The following CDH23 variants were observed in gnomAD, a reference collection of about 807,000 sequenced individuals.
CDH23 encodes cadherin related 23.
CDH23 carries 189 observed loss-of-function variants against 317.1 expected under a neutral mutation model. The ratio of observed to expected loss-of-function variants is 0.60; its 90% CI spans 0.53 to 0.67. CDH23 has a LOEUF of 0.67. CDH23 is among the 30% of genes least tolerant of loss of function. CDH23 has a pLI of 0.00. For synonymous variants in CDH23, 1,839 were observed against 1,876.8 expected (o/e 0.98, Z 0.52); for missense variants, 4,401 against 4,592.4 (o/e 0.96, Z 1.20).
chr10:71,759,506 CAA>C (rs1188557451), intron 38 of CDH23, among the ~76,000 whole-genome samples: 2 of 133,714 alleles, frequency 1.5e-5, no homozygotes, highest in Non-Finnish European at 3.2e-5. Context: ...GAGTCTTTCT[CAA>C]AAAAAAAAAA....
chr10:71,725,232 T>C, intron 29 of CDH23, 140 bp from the exon 30 acceptor site: 2 of 1,473,776 alleles, frequency 1.4e-6, no homozygotes, highest in East Asian at 2.3e-5. Flanking sequence ...CTCTCCACTG[T>C]GAATTCTGTG....
chr10:71,798,113 G>A (rs1841453538), intron 49 of CDH23, among the ~76,000 whole-genome samples: 1 of 152,092 alleles, frequency 6.6e-6, no homozygotes, highest in African/African-American at 2.4e-5. Context: ...GGAAACCGGG[G>A]CACAGGAAGG....
intron 1 of CDH23, among the ~76,000 whole-genome samples, chr10:71,432,123 C>A (rs563674438): frequency 1.3e-5 from 2 of 152,208 alleles, no homozygotes; most frequent in East Asian, 3.9e-4. Context: ...GAAGGAGGGG[C>A]CCTCCAGGGT....
intron 6 of CDH23, among the ~76,000 whole-genome samples, chr10:71,518,120 C>T (rs75511055): frequency 0.033 from 5,042 of 152,156 alleles, 139 homozygotes; most frequent in South Asian, 0.14. Flanking sequence ...TCTGTATCTC[C>T]TAGTGTTTTC....
At position 71,779,414 on chromosome 10, in the gene CDH23, G is replaced by C. The variant is rs376114326; in HGVS notation, c.5335G>C (p.Val1779Leu). 7 of 1,612,534 alleles carry C rather than the reference G, an allele frequency of 4.3e-6. No individual in the cohort carries two copies. In the African/African-American group the frequency reaches 9.3e-5, roughly 22 times the overall value. ...HDRDSGPNGQ[V>L]EYSIMDGDPL... ...CCGAGACTCAGGACCCAACGGGCAGGTGGAGTACAGCATCATGGATGGAGA... is the reference window on the plus strand; with the variant it reads ...CCGAGACTCAGGACCCAACGGGCAGCTGGAGTACAGCATCATGGATGGAGA... Residue 1779 changes from valine (V) to leucine (L), a missense_variant, in exon 41 of 70, where the codon GTG becomes CTG. Coordinates refer to ENST00000224721, the MANE Select transcript of CDH23 (RefSeq NM_022124.6).
In CDH23 at chr10:71,411,233, T is replaced by A. The variant is rs888204170; in HGVS notation, c.-6+13915T>A. Among the ~76,000 whole-genome samples, 3 of 152,346 alleles carry A rather than the reference T, an allele frequency of 2.0e-5. No individual in the cohort carries two copies. The South Asian group carries it at 6.2e-4, about 32-fold the overall frequency. On this transcript the variant is annotated intron_variant, in intron 1 of 69. Transcript: ENST00000224721. ...TAAGTCAATTTGAGGAAAATTGACA[T>A]CTTTACAATATTGAGTTTTTCAATC...
intron 3 of CDH23, among the ~76,000 whole-genome samples, chr10:71,495,996 G>A (rs534694348): frequency 1.3e-5 from 2 of 152,282 alleles, no homozygotes; most frequent in East Asian, 3.9e-4. Flanking sequence ...AAGTCTGGGA[G>A]GGGCCCATAA....
At chr10:71,672,355 T>G (rs530993022) in intron 14 of CDH23, among the ~76,000 whole-genome samples, 1 of 152,098 alleles carries the variant, frequency 6.6e-6, no homozygotes, top group Non-Finnish European at 1.5e-5. Context: ...CCAGGGCCCC[T>G]GACAGGCCCT....
At chr10:71,686,915 G>A (rs1241315077) in intron 18 of CDH23, among the ~76,000 whole-genome samples, 1 of 152,220 alleles carries the variant, frequency 6.6e-6, no homozygotes, top group Admixed American at 6.5e-5. Context: ...CGGTGTGAAG[G>A]AGTTGGGGGG....
At chr10:71,739,223 G>T (rs893674104) in intron 35 of CDH23, among the ~76,000 whole-genome samples, 5 of 152,208 alleles carry the variant, frequency 3.3e-5, no homozygotes, top group African/African-American at 9.7e-5. Flanking sequence ...TTGGCTGGTT[G>T]TTCCATGTTT....
intron 9 of CDH23, among the ~76,000 whole-genome samples, chr10:71,584,179 G>T (rs1564669041): frequency 6.6e-6 from 1 of 152,148 alleles, no homozygotes; most frequent in Non-Finnish European, 1.5e-5. Context: ...GTTTAAAGCA[G>T]ATTTACATTA....
intron 3 of CDH23, among the ~76,000 whole-genome samples, chr10:71,492,312 A>G (rs1313774500): frequency 1.3e-5 from 2 of 152,212 alleles, no homozygotes; most frequent in African/African-American, 2.4e-5. Context: ...AGCTCTGTCT[A>G]TACTAGACTG....
intron 1 of CDH23, among the ~76,000 whole-genome samples, chr10:71,404,066 T>A (rs1437318063): frequency 3.9e-5 from 6 of 152,170 alleles, no homozygotes; most frequent in Admixed American, 3.9e-4. Flanking sequence ...CACTCCAGCC[T>A]GGGCGGCAGA....
chr10:71,812,295 C>T lies in CDH23; in HGVS notation c.9381-185C>T, dbSNP rs755925029. ...ACCAAAGGCAATCCAGACTGACATG[C>T]GGTCCTGGTTCCAGCAGGATCCTAT... On this transcript the variant is annotated intron_variant, in intron 66 of 69. Transcript: ENST00000224721. The T allele has an allele frequency of 3.8e-6, 6 of 1,598,532 alleles. No individual in the cohort carries two copies. The African/African-American group carries it at 4.0e-5, about 11-fold the overall frequency.
intron 3 of CDH23, among the ~76,000 whole-genome samples, chr10:71,472,557 A>G (rs58872238): frequency 0.015 from 2,208 of 152,242 alleles, 47 homozygotes; most frequent in African/African-American, 0.05. Context: ...CCCAGCATTC[A>G]CTTGTCCAGG....
rs74145291 is a variant in CDH23, at chr10:71,682,795, G to A, written c.1986+223G>A. The stretch of plus-strand genomic sequence containing the variant: ...TTGGCCAGGGAAGGCCCAGGGCCCT[G>A]GTACTCAGGAAGAGACACATTGTCT... On this transcript the variant is annotated intron_variant, in intron 18 of 69. Transcript: ENST00000224721. Among the ~76,000 whole-genome samples, 1,272 of 152,284 alleles carry A rather than the reference G, an allele frequency of 8.4e-3. 19 individuals are homozygous for A. Among genetic ancestry groups the A allele is most frequent in the African/African-American group, 0.03 (1,228 of 41,554 alleles).
In CDH23 at chr10:71,531,682, A is replaced by G. The variant is rs550695824; in HGVS notation, c.429+20470A>G. Among the ~76,000 whole-genome samples the G allele has an allele frequency of 9.6e-4, 146 of 152,190 alleles. 1 individual carries two copies. Among genetic ancestry groups the G allele is most frequent in the African/African-American group, 3.5e-3 (145 of 41,518 alleles). The stretch of plus-strand genomic sequence containing the variant: ...AGCGGCTGAGGACCAGAGAGCCTCC[A>G]TGGCCCATCACTGCCCTTGTCTTCC... On this transcript the variant is annotated intron_variant, in intron 6 of 69. Coordinates refer to ENST00000224721, the MANE Select transcript of CDH23 (RefSeq NM_022124.6).
intron 25 of CDH23, 87 bp downstream of exon 25, chr10:71,705,217 C>A: frequency 8.0e-7 from 1 of 1,253,284 alleles, no homozygotes; most frequent in Non-Finnish European, 1.1e-6. Flanking sequence ...AGCCCATGTC[C>A]CCCACTGCTG....
intron 6 of CDH23, among the ~76,000 whole-genome samples, chr10:71,538,189 G>A (rs58394453): frequency 0.022 from 3,360 of 152,296 alleles, 42 homozygotes; most frequent in African/African-American, 0.045. Context: ...GAACAACTAC[G>A]AAAGTGATCA....
Sources: gnomAD v4.1 joint callset for allele counts (sites outside exome capture counted in the v4.1 genomes callset) on GRCh38, gnomAD v4.1.1 for gene constraint, MANE v1.5 for transcripts, NCBI Gene and HGNC (gene_info 2026-07-23, HGNC 2026-07-21) for gene names.